LOC128462377: variants seen among roughly 807,000 people sequenced by gnomAD.
chr16:89,411,192 G>A, the LOC128462377 span, among the ~76,000 whole-genome samples: 2 of 152,244 alleles, frequency 1.3e-5, no homozygotes, highest in Admixed American at 1.3e-4. Context: ...CTCCATGACG[G>A]TGCCCTCCAC....
At chr16:89,370,086 T>G in the LOC128462377 span, among the ~76,000 whole-genome samples, 1 of 152,150 alleles carries the variant, frequency 6.6e-6, no homozygotes, top group East Asian at 1.9e-4. Context: ...AGGAAGAATC[T>G]CAGGCATGGC....
At chr16:89,403,745 C>A in the LOC128462377 span, 1 of 152,106 alleles carries the variant, frequency 6.6e-6, no homozygotes, top group Non-Finnish European at 1.5e-5. Context: ...ATCTGGGCAA[C>A]AGAGCAAGCC....
At chr16:89,336,111 G>C in the LOC128462377 span, among the ~76,000 whole-genome samples, 1 of 152,242 alleles carries the variant, frequency 6.6e-6, no homozygotes, top group Admixed American at 6.5e-5. Context: ...ATCGTTTTCA[G>C]CCACACGGTT....
At chr16:89,343,182 G>A in the LOC128462377 span, among the ~76,000 whole-genome samples, 85 of 152,200 alleles carry the variant, frequency 5.6e-4, no homozygotes, top group African/African-American at 2.0e-3. Context: ...GTGGAGACGG[G>A]GTTTCACCAT....
the LOC128462377 span, among the ~76,000 whole-genome samples, chr16:89,408,091 T>C: frequency 6.6e-6 from 1 of 152,098 alleles, no homozygotes; most frequent in African/African-American, 2.4e-5. Flanking sequence ...CCACTGCACA[T>C]GTGTGACCAC....
At chr16:89,410,549 CTCT>C in the LOC128462377 span, among the ~76,000 whole-genome samples, 8 of 152,298 alleles carry the variant, frequency 5.3e-5, no homozygotes, top group South Asian at 1.7e-3. Context: ...AAAGGCCACC[CTCT>C]GCCCTCTGCT....
the LOC128462377 span, among the ~76,000 whole-genome samples, chr16:89,409,368 G>T: frequency 3.9e-5 from 6 of 152,214 alleles, no homozygotes; most frequent in Non-Finnish European, 1.5e-5. Flanking sequence ...AACAGGGGTG[G>T]GGTGGGAAGG....
the LOC128462377 span, among the ~76,000 whole-genome samples, chr16:89,319,550 G>A: frequency 2.6e-5 from 4 of 152,176 alleles, no homozygotes; most frequent in East Asian, 1.9e-4. Flanking sequence ...CAGGACCCTC[G>A]TGTCCGCCTG....
chr16:89,372,697 T>C, the LOC128462377 span, among the ~76,000 whole-genome samples: 1 of 152,172 alleles, frequency 6.6e-6, no homozygotes. Flanking sequence ...CAACCCGAGC[T>C]GGTCAAATGC....
At chr16:89,368,371 G>GTGTT in the LOC128462377 span, among the ~76,000 whole-genome samples, 1 of 56,596 alleles carries the variant, frequency 1.8e-5, no homozygotes, top group African/African-American at 4.8e-5. Flanking sequence ...TAATTTTTGT[G>GTGTT]TTTTTTTTTT....
At chr16:89,388,004 C>T in the LOC128462377 span, among the ~76,000 whole-genome samples, 1 of 147,074 alleles carries the variant, frequency 6.8e-6, no homozygotes, top group African/African-American at 2.5e-5. Flanking sequence ...CAGAGCAAGA[C>T]TCCATCTCAA....
the LOC128462377 span, chr16:89,370,599 C>T: frequency 1.3e-3 from 201 of 152,668 alleles, 5 homozygotes; most frequent in South Asian, 0.039. Flanking sequence ...AGCGTCACCG[C>T]ACACATTTGA....
chr16:89,412,940 C>A, the LOC128462377 span, among the ~76,000 whole-genome samples: 2 of 152,240 alleles, frequency 1.3e-5, no homozygotes, highest in South Asian at 4.2e-4. Flanking sequence ...GCACTCAGAG[C>A]CGGATTCCAG....
chr16:89,395,749 T>C, the LOC128462377 span: 1 of 152,244 alleles, frequency 6.6e-6, no homozygotes, highest in Non-Finnish European at 1.5e-5. Flanking sequence ...AATAGCTTGG[T>C]ACACTTGCTT....
At chr16:89,377,131 G>GT in the LOC128462377 span, among the ~76,000 whole-genome samples, 1 of 152,184 alleles carries the variant, frequency 6.6e-6, no homozygotes, top group Non-Finnish European at 1.5e-5. Flanking sequence ...CCAGAACCCC[G>GT]TGAGTTCAAC....
At chr16:89,323,301 A>C in the LOC128462377 span, 1 of 1,288,812 alleles carries the variant, frequency 7.8e-7, no homozygotes, top group African/African-American at 1.5e-5. Flanking sequence ...TGAGTGACAC[A>C]CCCTATGACC....
chr16:89,362,148 G>GT, the LOC128462377 span, among the ~76,000 whole-genome samples: 4 of 152,256 alleles, frequency 2.6e-5, no homozygotes, highest in African/African-American at 7.2e-5. Context: ...CTTAACAAAT[G>GT]TGAGTGGATT....
chr16:89,372,103 C>T, the LOC128462377 span, among the ~76,000 whole-genome samples: 1 of 152,230 alleles, frequency 6.6e-6, no homozygotes, highest in African/African-American at 2.4e-5. Context: ...CCACGGCGGG[C>T]ACCCGGCCCT....
the LOC128462377 span, among the ~76,000 whole-genome samples, chr16:89,321,631 T>G: frequency 1.3e-5 from 2 of 152,062 alleles, no homozygotes; most frequent in South Asian, 4.1e-4. Flanking sequence ...TGTTCTGTTC[T>G]GCACACTAAC....
Sources: gnomAD v4.1 joint callset for allele counts (sites outside exome capture counted in the v4.1 genomes callset) on GRCh38, gnomAD v4.1.1 for gene constraint, MANE v1.5 for transcripts.